Variants in SPMAP2L observed in about 807,000 individuals in gnomAD.
The protein encoded by SPMAP2L is sperm microtubule associated protein 2-like.
the SPMAP2L span, among the ~76,000 whole-genome samples, chr4:56,621,046 C>T: frequency 1.5e-4 from 23 of 152,116 alleles, no homozygotes; most frequent in Admixed American, 6.5e-4. Context: ...AAATGTCATT[C>T]AAGTGATGAT....
chr4:56,609,443 G>T, the SPMAP2L span, among the ~76,000 whole-genome samples: 1 of 152,308 alleles, frequency 6.6e-6, no homozygotes, highest in South Asian at 2.1e-4. Flanking sequence ...TGATTTAGAT[G>T]ATATTTACGT....
the SPMAP2L span, among the ~76,000 whole-genome samples, chr4:56,531,594 G>C: frequency 9.7e-4 from 147 of 152,252 alleles, no homozygotes; most frequent in African/African-American, 3.2e-3. Context: ...TCCTTGAAGG[G>C]AGGATATTTT....
At chr4:56,569,143 T>C in the SPMAP2L span, among the ~76,000 whole-genome samples, 1 of 152,256 alleles carries the variant, frequency 6.6e-6, no homozygotes, top group Non-Finnish European at 1.5e-5. Flanking sequence ...TGTGAATGTA[T>C]GTTTTCATTC....
the SPMAP2L span, among the ~76,000 whole-genome samples, chr4:56,610,048 T>C: frequency 6.6e-6 from 1 of 152,144 alleles, no homozygotes; most frequent in Non-Finnish European, 1.5e-5. Flanking sequence ...ACAGATTTAA[T>C]GCAATTCCCA....
the SPMAP2L span, among the ~76,000 whole-genome samples, chr4:56,604,193 A>C: frequency 6.6e-6 from 1 of 152,184 alleles, no homozygotes; most frequent in African/African-American, 2.4e-5. Flanking sequence ...ATAGAACCTG[A>C]AGTTGTCTCT....
the SPMAP2L span, chr4:56,552,457 CT>C: frequency 2.9e-4 from 205 of 709,416 alleles, no homozygotes; most frequent in African/African-American, 8.3e-4. Flanking sequence ...GGTTTTAGTT[CT>C]TTTTTTTCCC....
At chr4:56,535,486 C>T in the SPMAP2L span, among the ~76,000 whole-genome samples, 1 of 152,134 alleles carries the variant, frequency 6.6e-6, no homozygotes, top group Non-Finnish European at 1.5e-5. Flanking sequence ...CCCCCAGTGA[C>T]GTACCCCCTG....
At chr4:56,559,429 G>C in the SPMAP2L span, 1 of 1,528,802 alleles carries the variant, frequency 6.5e-7, no homozygotes, top group Non-Finnish European at 8.7e-7. Flanking sequence ...TATTCGCCCT[G>C]TTTCCCAGGG....
chr4:56,607,343 A>G, the SPMAP2L span, among the ~76,000 whole-genome samples: 1 of 152,192 alleles, frequency 6.6e-6, no homozygotes, highest in African/African-American at 2.4e-5. Context: ...TACCGAATCT[A>G]TTGGCACCTT....
the SPMAP2L span, chr4:56,593,051 T>A: frequency 1.9e-6 from 3 of 1,590,070 alleles, no homozygotes; most frequent in Non-Finnish European, 2.6e-6. Context: ...GATCTGGAGA[T>A]CCTATATTGG....
chr4:56,530,980 G>T, the SPMAP2L span: 2 of 1,535,214 alleles, frequency 1.3e-6, no homozygotes, highest in Non-Finnish European at 1.7e-6. Context: ...TGCACCTTAC[G>T]AACTCCATGG....
chr4:56,565,692 T>C, the SPMAP2L span, among the ~76,000 whole-genome samples: 2 of 152,196 alleles, frequency 1.3e-5, no homozygotes, highest in African/African-American at 4.8e-5. Flanking sequence ...ATTAGGTAGA[T>C]TTGAAACATA....
chr4:56,595,643 T>C, the SPMAP2L span: 1 of 1,233,328 alleles, frequency 8.1e-7, no homozygotes, highest in Non-Finnish European at 1.2e-6. Context: ...TATATGGAGA[T>C]CAGCACCTGG....
the SPMAP2L span, chr4:56,530,668 C>G: frequency 6.5e-7 from 1 of 1,532,600 alleles, no homozygotes; most frequent in Non-Finnish European, 8.7e-7. Flanking sequence ...ACAGAAGCTT[C>G]TGGCGCGAAT....
the SPMAP2L span, among the ~76,000 whole-genome samples, chr4:56,587,942 A>G: frequency 6.6e-6 from 1 of 152,186 alleles, no homozygotes; most frequent in Non-Finnish European, 1.5e-5. Flanking sequence ...CCAGCAGTGT[A>G]GAAGTGTTCC....
the SPMAP2L span, chr4:56,595,557 G>A: frequency 4.9e-6 from 7 of 1,426,356 alleles, no homozygotes; most frequent in Admixed American, 1.0e-4. Context: ...ATATTCCAGA[G>A]AGGTGGCAGC....
chr4:56,593,535 C>T, the SPMAP2L span: 1 of 1,598,730 alleles, frequency 6.3e-7, no homozygotes, highest in African/African-American at 1.3e-5. Context: ...GCTGTGTGTG[C>T]TACTGACCTT....
At chr4:56,589,567 A>G in the SPMAP2L span, among the ~76,000 whole-genome samples, 2 of 152,142 alleles carry the variant, frequency 1.3e-5, no homozygotes, top group Non-Finnish European at 2.9e-5. Context: ...ATCCATGAGC[A>G]TGGGATGTGT....
At chr4:56,585,297 G>T in the SPMAP2L span, among the ~76,000 whole-genome samples, 5 of 152,186 alleles carry the variant, frequency 3.3e-5, no homozygotes, top group Non-Finnish European at 7.3e-5. Context: ...CAAAATTTTA[G>T]AGAAGTCATA....
Sources: gnomAD v4.1 joint callset for allele counts (sites outside exome capture counted in the v4.1 genomes callset) on GRCh38, gnomAD v4.1.1 for gene constraint, MANE v1.5 for transcripts, NCBI Gene and HGNC (gene_info 2026-07-23, HGNC 2026-07-21) for gene names.